TMCO5A: variants seen among roughly 807,000 people sequenced by gnomAD.
TMCO5A encodes the protein transmembrane and coiled-coil domains 5A.
In TMCO5A, 34 loss-of-function variants were observed where a neutral mutation model predicts 42.3. That is an observed-to-expected ratio of 0.80 (90% CI 0.61 to 1.07). TMCO5A has a LOEUF of 1.07. Among genes scored for constraint, TMCO5A ranks in the 50% least tolerant of loss-of-function variants. TMCO5A has a pLI of 0.00. For missense variants in TMCO5A, 357 were observed against 327.9 expected, an observed-to-expected ratio of 1.09 and a Z score of -0.69; for synonymous variants, 131 against 115.6, an observed-to-expected ratio of 1.13 and a Z score of -0.86.
At chr15:37,949,896 T>C (rs527493665) in intron 11 of TMCO5A, among the ~76,000 whole-genome samples, 1 of 152,242 alleles carries the variant, frequency 6.6e-6, no homozygotes, top group East Asian at 1.9e-4. Context: ...TTGACCAAAA[T>C]TGCAGTCATT....
the TMCO5A span, among the ~76,000 whole-genome samples, chr15:38,012,194 A>AT: frequency 6.6e-6 from 1 of 152,054 alleles, no homozygotes; most frequent in Non-Finnish European, 1.5e-5. Context: ...ATTTCCTTGC[A>AT]TTTGGCACAA....
chr15:37,941,687 C>T lies in TMCO5A; in HGVS notation c.461C>T (p.Ala154Val). The change falls in exon 8 of 12, where the codon GCA becomes GTA. Residue 154 changes from alanine (A) to valine (V), a missense_variant. Transcript: ENST00000319669. ...KELLKVMKEY[A>V]FVTQLCEDQA... Reference sequence around the variant, plus strand: ...ATTTCCTAGGTAATGAAGGAGTATGCATTTGTGACCCAGCTCTGTGAAGAT... The same window carrying T: ...ATTTCCTAGGTAATGAAGGAGTATGTATTTGTGACCCAGCTCTGTGAAGAT... The T allele has an allele frequency of 1.2e-6, 2 of 1,610,952 alleles. No homozygotes were observed. Among genetic ancestry groups the T allele is most frequent in the East Asian group, 4.5e-5 (2 of 44,798 alleles).
rs74650909 is a variant in TMCO5A at position 37,949,740 on chromosome 15, GTA to G, written c.669-1294_669-1293del. ...AAAAAATAAAAATCTTCAAAACTCT[GTA>G]TTATTTTCTATGCTACATAATAAAT... On this transcript the variant is annotated intron_variant, in intron 11 of 11. Coordinates refer to ENST00000319669, the MANE Select transcript of TMCO5A (RefSeq NM_152453.4). 6.3e-3 allele frequency among the ~76,000 whole-genome samples: 956 copies of G among 152,094 alleles called. 3 individuals carry two copies. Among genetic ancestry groups the G allele is most frequent in the Non-Finnish European group, 8.7e-3 (592 of 67,970 alleles).
chr15:37,980,523 C>G, the TMCO5A span, among the ~76,000 whole-genome samples: 12 of 151,218 alleles, frequency 7.9e-5, no homozygotes, highest in Non-Finnish European at 1.8e-4. Flanking sequence ...TGAATCCCAA[C>G]TTGTCCACCT....
the TMCO5A span, among the ~76,000 whole-genome samples, chr15:38,019,325 C>T: frequency 6.6e-6 from 1 of 152,096 alleles, no homozygotes; most frequent in Non-Finnish European, 1.5e-5. Context: ...ATTTCAATCT[C>T]AAGTAACAAG....
At chr15:37,981,200 CAAAAAAAAAAA>C in the TMCO5A span, among the ~76,000 whole-genome samples, 3 of 65,346 alleles carry the variant, frequency 4.6e-5, no homozygotes, top group Non-Finnish European at 8.9e-5. Flanking sequence ...AGAAAGCCAG[CAAAAAAAAAAA>C]AAAAAAAAAA....
At position 37,941,142 on chromosome 15, in the gene TMCO5A, T is replaced by C. The variant is rs1386092215; in HGVS notation, c.388-7T>C. On this transcript the variant is annotated splice_polypyrimidine_tract_variant and splice_region_variant and intron_variant, in intron 6 of 11. Coordinates refer to ENST00000319669, the MANE Select transcript of TMCO5A (RefSeq NM_152453.4). The stretch of plus-strand genomic sequence containing the variant: ...GCCAAGTTAGCAGTCTCTTTTGCTT[T>C]CTTTAGGTTAAGTTACAACAGCTGG... The C allele has an allele frequency of 6.2e-7, 1 of 1,613,116 alleles. No homozygotes were observed. Among genetic ancestry groups the C allele is most frequent in the Admixed American group, 1.7e-5 (1 of 59,860 alleles).
At chr15:37,945,178 C>T (rs922919373) in intron 10 of TMCO5A, among the ~76,000 whole-genome samples, 1 of 152,058 alleles carries the variant, frequency 6.6e-6, no homozygotes, top group Non-Finnish European at 1.5e-5. Flanking sequence ...CTTCCAATAC[C>T]ACCCATGTCC....
the TMCO5A span, among the ~76,000 whole-genome samples, chr15:38,021,497 C>T: frequency 3.3e-5 from 5 of 151,832 alleles, no homozygotes; most frequent in Admixed American, 3.3e-4. Flanking sequence ...ACCCCCATTG[C>T]TTGTATTCAT....
chr15:37,986,423 G>GTA, the TMCO5A span, among the ~76,000 whole-genome samples: 1 of 147,158 alleles, frequency 6.8e-6, no homozygotes, highest in South Asian at 2.2e-4. Context: ...GTGTGTGTGT[G>GTA]TTTAAATCAA....
the TMCO5A span, among the ~76,000 whole-genome samples, chr15:38,036,738 G>A: frequency 6.6e-6 from 1 of 152,098 alleles, no homozygotes; most frequent in Admixed American, 6.6e-5. Flanking sequence ...ACTCCTGCAG[G>A]CTGATTCAGT....
chr15:37,995,717 G>A, the TMCO5A span, among the ~76,000 whole-genome samples: 2 of 152,066 alleles, frequency 1.3e-5, no homozygotes, highest in Admixed American at 6.6e-5. Context: ...TATATGGCAC[G>A]GCTGCAAAAA....
rs774799879 is a variant in TMCO5A, at chr15:37,951,226, C to G, written c.859C>G (p.Pro287Ala). The G allele has an allele frequency of 1.9e-6, 3 of 1,613,444 alleles. No individual in the cohort carries two copies. In the East Asian group the frequency reaches 6.7e-5, roughly 36 times the overall value. The stretch of plus-strand genomic sequence containing the variant: ...CACACTTGAGACAGAGGACATGTTA[C>G]CCCACTGATTCCCTAAGAAATATCC... ...SLTLETEDML[P>A]H Residue 287 changes from proline to alanine, a missense_variant, in exon 12 of 12, where the codon CCC becomes GCC. Physicochemically the swap from Pro to Ala is conservative, Grantham distance 27. Coordinates refer to ENST00000319669, the MANE Select transcript of TMCO5A (RefSeq NM_152453.4).
chr15:38,010,279 G>A, the TMCO5A span, among the ~76,000 whole-genome samples: 3 of 151,466 alleles, frequency 2.0e-5, no homozygotes, highest in African/African-American at 7.3e-5. Context: ...GAGAGGCTGA[G>A]GCAGGAGAAT....
At chr15:37,938,310 G>C (rs1420308105) in intron 6 of TMCO5A, 81 bp downstream of exon 6, 2 of 1,217,104 alleles carry the variant, frequency 1.6e-6, no homozygotes, top group Non-Finnish European at 1.2e-6. Flanking sequence ...CAATGTCAAC[G>C]TTGTGACAAA....
chr15:37,985,879 T>A, the TMCO5A span, among the ~76,000 whole-genome samples: 1 of 99,716 alleles, frequency 1.0e-5, no homozygotes. Context: ...CATATCAGCT[T>A]TTTTTTTAAA....
the TMCO5A span, among the ~76,000 whole-genome samples, chr15:38,014,112 T>C: frequency 1.3e-5 from 2 of 152,206 alleles, no homozygotes; most frequent in African/African-American, 2.4e-5. Flanking sequence ...CTAGAATAAT[T>C]CCCTCACCTC....
At chr15:37,938,354 C>T (rs1889605270) in intron 6 of TMCO5A, 125 bp downstream of exon 6, 1 of 642,668 alleles carries the variant, frequency 1.6e-6, no homozygotes, top group South Asian at 1.8e-5. Flanking sequence ...CAAGCTTAAG[C>T]TTGAACCACT....
the TMCO5A span, among the ~76,000 whole-genome samples, chr15:37,977,030 C>T: frequency 6.6e-6 from 1 of 152,076 alleles, no homozygotes; most frequent in Non-Finnish European, 1.5e-5. Context: ...CCTTGGCCTC[C>T]CAAAGTGCTG....
Sources: gnomAD v4.1 joint callset for allele counts (sites outside exome capture counted in the v4.1 genomes callset) on GRCh38, gnomAD v4.1.1 for gene constraint, MANE v1.5 for transcripts, NCBI Gene and HGNC (gene_info 2026-07-23, HGNC 2026-07-21) for gene names.